LRRC61: variants seen among roughly 807,000 people sequenced by gnomAD.
LRRC61 encodes the protein leucine-rich repeat-containing protein 61.
In LRRC61, 9 loss-of-function variants were observed where a neutral mutation model predicts 15.1. That is an observed-to-expected ratio of 0.60 (90% confidence interval 0.36 to 1.04). The LOEUF is 1.04. Among genes scored for constraint, LRRC61 ranks in the 50% least tolerant of loss-of-function variants. The probability of loss-of-function intolerance (pLI) is 0.01; values close to 1 mark genes in which losing one functional copy is unlikely to be tolerated. For missense variants in LRRC61, 344 were observed against 335.6 expected (o/e 1.03, Z -0.20); for synonymous variants, 173 against 158.6 (o/e 1.09, Z -0.68).
intron 2 of LRRC61, among the ~76,000 whole-genome samples, chr7:150,329,216 C>G (rs561647236): frequency 6.6e-6 from 1 of 152,332 alleles, no homozygotes; most frequent in Non-Finnish European, 1.5e-5. Context: ...CTATGCAGGC[C>G]TGGAGCTTCT....
chr7:150,315,008 AAAT>A, the LRRC61 span, among the ~76,000 whole-genome samples: 2 of 147,036 alleles, frequency 1.4e-5, no homozygotes, highest in East Asian at 1.9e-4. Flanking sequence ...AAATATTATT[AAAT>A]AATAAAATAA....
chr7:150,320,196 G>A (rs1797359093), upstream of LRRC61, among the ~76,000 whole-genome samples: 1 of 152,242 alleles, frequency 6.6e-6, no homozygotes, highest in Non-Finnish European at 1.5e-5. Flanking sequence ...AATTTAGGGT[G>A]AGTCGCAAAG....
Position 150,330,129 on chromosome 7 carries a change from G to A in LRRC61, c.-145+4119G>A. On this transcript the variant is annotated intron_variant, in intron 2 of 2. Coordinates refer to ENST00000359623, the MANE Select transcript of LRRC61 (RefSeq NM_001142928.2). The surrounding 1 kb of genome is among the most constrained non-coding windows in gnomAD (Gnocchi z 4.6). ...CAGTGTCCAGATCATCCTGGGCACT[G>A]CCAGGGCCACCTGCAGCCATTTCTA... 1.9e-6 allele frequency: 1 copy of A among 520,376 alleles called. No homozygotes were observed. The highest frequency in any genetic ancestry group is 3.4e-6 in the Non-Finnish European group (1 of 291,730). The allele number at this position is 520,376 out of a possible 1,614,324, so 32.2% of individuals were successfully genotyped here.
Position 150,334,976 on chromosome 7 carries a change from C to G in LRRC61, c.-144-1742C>G, listed in dbSNP as rs547838102. On this transcript the variant is annotated intron_variant, in intron 2 of 2. Coordinates refer to ENST00000359623, the MANE Select transcript of LRRC61 (RefSeq NM_001142928.2). ...GGCGGAGGTTGCGGTGAGCCGAGATCGCGCCATTGTGCCATTGCACTCCAG... is the reference window on the plus strand; with the variant it reads ...GGCGGAGGTTGCGGTGAGCCGAGATGGCGCCATTGTGCCATTGCACTCCAG... Among the ~76,000 whole-genome samples the G allele has an allele frequency of 1.6e-4, 24 of 150,634 alleles. No homozygotes were observed. The East Asian group carries it at 3.9e-3, about 25-fold the overall frequency.
At position 150,333,396 on chromosome 7, in the gene LRRC61, T is replaced by A. The variant is rs1798176291; in HGVS notation, c.-144-3322T>A. 6.6e-6 allele frequency among the ~76,000 whole-genome samples: 1 copy of A among 152,184 alleles called. No individual in the cohort carries two copies. The highest frequency in any genetic ancestry group is 1.5e-5 in the Non-Finnish European group (1 of 68,034). On this transcript the variant is annotated intron_variant, in intron 2 of 2. Transcript: ENST00000359623. The surrounding 1 kb of genome is among the most constrained non-coding windows in gnomAD (Gnocchi z 4.3). ...AGGCCAGGGATGCTGCTCAGCACCC[T>A]CCAATGTGCAGGACGGCCTCCACAA...
rs1035052426 is a variant in LRRC61 at position 150,338,113 on chromosome 7, G to A, written c.*472G>A. 11 of 605,810 alleles carry A rather than the reference G, an allele frequency of 1.8e-5. No homozygotes were observed. The highest frequency in any genetic ancestry group is 6.6e-4 in the Middle Eastern group (1 of 1,506). 37.5% of individuals were successfully genotyped at this position (605,810 alleles called of 1,614,324 possible). A position where few individuals can be genotyped will look rare whatever the true frequency, so the allele number is the denominator to read the frequency against. On this transcript the variant is annotated 3_prime_UTR_variant, in exon 3 of 3. Coordinates refer to ENST00000359623, the MANE Select transcript of LRRC61 (RefSeq NM_001142928.2). ...CCTCCCCGCAGCACCTTCTCTGCCC[G>A]TTCTTGTCCACACATCTATTAAATG...
rs902500409 is a variant in LRRC61, at chr7:150,337,086, C to T, written c.225C>T (p.Arg75=). 6.2e-7 allele frequency: 1 copy of T among 1,612,798 alleles called. No individual in the cohort carries two copies. Among genetic ancestry groups the T allele is most frequent in the Non-Finnish European group, 8.5e-7 (1 of 1,179,790 alleles). Residue 75 remains arginine (R), a synonymous_variant, in exon 3 of 3, where the codon CGC becomes CGT. Coordinates refer to ENST00000359623, the MANE Select transcript of LRRC61 (RefSeq NM_001142928.2). The part of the protein sequence containing the change: ...LTHLGPLASL[R]QLAVLNVSNN... ...ACCTGGGCCCGCTGGCCTCCTTGCG[C>T]CAGCTAGCTGTGCTCAATGTCTCCA... is the stretch of plus-strand genomic sequence containing the variant.
At chr7:150,323,151 C>A (rs1043222702), upstream of LRRC61, 6 of 211,572 alleles carry the variant, frequency 2.8e-5, no homozygotes, top group Non-Finnish European at 2.9e-5. Context: ...GTTGACCTCA[C>A]GGCCCCTTCG....
rs111703812 is a variant in LRRC61 at position 150,336,286 on chromosome 7, A to G, written c.-144-432A>G. Among the ~76,000 whole-genome samples, 1,516 of 152,360 alleles carry G rather than the reference A, an allele frequency of 1.0e-2. 24 individuals are homozygous for G. The highest frequency in any genetic ancestry group is 0.014 in the Non-Finnish European group (947 of 68,034). ...GCACATGTGCTCTCGTTTGCATTGCATATACATTGATTATCCCAGAAAGAA... is the reference window on the plus strand; with the variant it reads ...GCACATGTGCTCTCGTTTGCATTGCGTATACATTGATTATCCCAGAAAGAA... On this transcript the variant is annotated intron_variant, in intron 2 of 2. Transcript: ENST00000359623.
the LRRC61 span, among the ~76,000 whole-genome samples, chr7:150,310,376 A>G: frequency 1.2e-4 from 18 of 152,138 alleles, no homozygotes; most frequent in African/African-American, 3.6e-4. Flanking sequence ...GATGAAGCCT[A>G]TTATCACTTG....
At chr7:150,327,897 C>G (rs746671414) in intron 2 of LRRC61, among the ~76,000 whole-genome samples, 1 of 152,170 alleles carries the variant, frequency 6.6e-6, no homozygotes, top group African/African-American at 2.4e-5. Flanking sequence ...ATTCCTTTGC[C>G]TGGTCTCCTG....
chr7:150,315,382 G>A, the LRRC61 span, among the ~76,000 whole-genome samples: 2 of 152,082 alleles, frequency 1.3e-5, no homozygotes, highest in Non-Finnish European at 2.9e-5. Context: ...ATATGCAGCC[G>A]AAGATGCTAG....
Position 150,335,971 on chromosome 7 carries a change from G to A in LRRC61, c.-144-747G>A, listed in dbSNP as rs141185982. On this transcript the variant is annotated intron_variant, in intron 2 of 2. Transcript: ENST00000359623. This position sits in a 1 kb window ranked among gnomAD's most constrained non-coding sequence, Gnocchi z 4.3. ...CAGCTGGCACCGTGCTGTCTGGCACGTATATCAGTGCTGTTCCATTGATCT... is the reference window on the plus strand; with the variant it reads ...CAGCTGGCACCGTGCTGTCTGGCACATATATCAGTGCTGTTCCATTGATCT... Among the ~76,000 whole-genome samples, 1,215 of 152,322 alleles carry A rather than the reference G, an allele frequency of 8.0e-3. 10 individuals are homozygous for A. The highest frequency in any genetic ancestry group is 0.042 in the South Asian group (204 of 4,824).
chr7:150,337,697 C>CT lies in LRRC61; in HGVS notation c.*57dup. On this transcript the variant is annotated 3_prime_UTR_variant, in exon 3 of 3. Coordinates refer to ENST00000359623, the MANE Select transcript of LRRC61 (RefSeq NM_001142928.2). Reference sequence around the variant, plus strand: ...GGTGGCCTCGCTGCCCCCAGTTCCCCTCTCTGCCCCCACACTCGTCTTAGT... The same window carrying CT: ...GGTGGCCTCGCTGCCCCCAGTTCCCCTTCTCTGCCCCCACACTCGTCTTAGT... 6.7e-7 allele frequency: 1 copy of CT among 1,488,740 alleles called. No homozygotes were observed. Among genetic ancestry groups the CT allele is most frequent in the Non-Finnish European group, 9.0e-7 (1 of 1,115,324 alleles). The allele number at this position is 1,488,740 out of a possible 1,614,324, so 92.2% of individuals were successfully genotyped here. A position where few individuals can be genotyped will look rare whatever the true frequency, so the allele number is the denominator to read the frequency against.
chr7:150,320,500 A>C (rs2108853), upstream of LRRC61, among the ~76,000 whole-genome samples: 38,717 of 152,132 alleles, frequency 0.25, 5,150 homozygotes, highest in East Asian at 0.42. Context: ...CCATGGCTCA[A>C]GCCTGTAATC....
At chr7:150,329,013 C>T (rs1467167032) in intron 2 of LRRC61, among the ~76,000 whole-genome samples, 1 of 152,196 alleles carries the variant, frequency 6.6e-6, no homozygotes, top group Admixed American at 6.5e-5. Context: ...CAATCTTCCA[C>T]TAGCCAGAGA....
At position 150,337,852 on chromosome 7, in the gene LRRC61, TCC is replaced by T; in HGVS notation, c.*213_*214del. On this transcript the variant is annotated 3_prime_UTR_variant, in exon 3 of 3. Coordinates refer to ENST00000359623, the MANE Select transcript of LRRC61 (RefSeq NM_001142928.2). ...AAGGGCTGTGAGCAGGTGTAAGGGC[TCC>T]CACATCCGTGAGCCTGTGTCCGCAG... The T allele has an allele frequency of 1.7e-6, 1 of 597,460 alleles. No homozygotes were observed. The highest frequency in any genetic ancestry group is 2.9e-6 in the Non-Finnish European group (1 of 346,080). The allele number at this position is 597,460 out of a possible 1,614,324, so 37.0% of individuals were successfully genotyped here. A position where few individuals can be genotyped will look rare whatever the true frequency, so the allele number is the denominator to read the frequency against.
chr7:150,322,319 G>A (rs1030006263), upstream of LRRC61, among the ~76,000 whole-genome samples: 1 of 152,252 alleles, frequency 6.6e-6, no homozygotes, highest in East Asian at 1.9e-4. Flanking sequence ...TGAGACAGAA[G>A]GTTGGCACAA....
chr7:150,318,208 T>G, the LRRC61 span, among the ~76,000 whole-genome samples: 2 of 152,188 alleles, frequency 1.3e-5, no homozygotes, highest in Admixed American at 1.3e-4. Flanking sequence ...GATAATGTTC[T>G]TGTTTTGTCT....
Sources: allele counts gnomAD v4.1 joint callset (sites outside exome capture counted in the v4.1 genomes callset), GRCh38; gene constraint gnomAD v4.1.1; non-coding constraint Gnocchi (gnomAD v3.1); transcripts MANE v1.5; gene names NCBI Gene and HGNC (gene_info 2026-07-23, HGNC 2026-07-21).